Variants in FAT3 observed in about 807,000 individuals in gnomAD.
FAT3 encodes the protein FAT atypical cadherin 3, also known as protocadherin Fat 3.
A neutral mutation model predicts 310.2 loss-of-function variants in FAT3; 95 were observed. The ratio of observed to expected loss-of-function variants is 0.31; its 90% CI spans 0.26 to 0.36. The LOEUF is 0.36. Ranked by LOEUF, FAT3 falls within the 10% of genes least tolerant of loss-of-function variation. The pLI, the probability that FAT3 is intolerant of heterozygous loss-of-function variation, is 1.00. For missense variants in FAT3, 5,408 were observed against 5,715.6 expected, an observed-to-expected ratio of 0.95 and a Z score of 1.74; for synonymous variants, 2,314 against 2,192.9, an observed-to-expected ratio of 1.06 and a Z score of -1.54.
At chr11:92,446,596 G>A (rs1011175657) in intron 2 of FAT3, among the ~76,000 whole-genome samples, 6 of 151,438 alleles carry the variant, frequency 4.0e-5, no homozygotes, top group Non-Finnish European at 8.8e-5. Context: ...CATTTTTCAA[G>A]GTGATTGATT....
At chr11:92,501,459 C>T (rs1219853218) in intron 2 of FAT3, among the ~76,000 whole-genome samples, 2 of 152,008 alleles carry the variant, frequency 1.3e-5, no homozygotes, top group Non-Finnish European at 2.9e-5. Flanking sequence ...TAGCAAAGCC[C>T]TAATAGGCTG....
intron 2 of FAT3, among the ~76,000 whole-genome samples, chr11:92,497,991 C>T (rs1952817157): frequency 6.6e-6 from 1 of 151,934 alleles, no homozygotes; most frequent in African/African-American, 2.4e-5. Flanking sequence ...CATGCTGAGG[C>T]CTGGGGGTAG....
intron 2 of FAT3, among the ~76,000 whole-genome samples, chr11:92,444,615 G>C (rs780180038): frequency 2.1e-5 from 3 of 141,180 alleles, no homozygotes; most frequent in Non-Finnish European, 4.6e-5. Flanking sequence ...TATCCACCAA[G>C]CTCCCAAGAA....
chr11:92,494,258 GATT>G (rs1952690577), intron 2 of FAT3, among the ~76,000 whole-genome samples: 1 of 151,908 alleles, frequency 6.6e-6, no homozygotes, highest in South Asian at 2.1e-4. Flanking sequence ...AACATGTGGG[GATT>G]ATAATTCCAG....
At chr11:92,284,275 G>A (rs1376123527) in intron 1 of FAT3, among the ~76,000 whole-genome samples, 8 of 151,956 alleles carry the variant, frequency 5.3e-5, no homozygotes, top group Admixed American at 2.6e-4. Flanking sequence ...AAAGGGTAAC[G>A]CCTCCGAGAA....
At chr11:92,743,269 C>T (rs574936575) in intron 4 of FAT3, among the ~76,000 whole-genome samples, 11 of 152,280 alleles carry the variant, frequency 7.2e-5, no homozygotes, top group African/African-American at 2.2e-4. Flanking sequence ...TGGTGTTCTC[C>T]ATGACACCAT....
chr11:92,620,341 G>T (rs542013940), intron 3 of FAT3, among the ~76,000 whole-genome samples: 91 of 152,266 alleles, frequency 6.0e-4, no homozygotes, highest in African/African-American at 2.1e-3. Context: ...ACTGAATATA[G>T]TGTTATGTAT....
chr11:92,847,359 T>C (rs1252768296), intron 19 of FAT3, among the ~76,000 whole-genome samples: 1 of 152,230 alleles, frequency 6.6e-6, no homozygotes, highest in African/African-American at 2.4e-5. Context: ...CCATAGGCTG[T>C]ACCATATAGC....
intron 1 of FAT3, among the ~76,000 whole-genome samples, chr11:92,345,781 G>T (rs1948399117): frequency 6.6e-6 from 1 of 152,124 alleles, no homozygotes; most frequent in African/African-American, 2.4e-5. Context: ...GGAGATCTCA[G>T]GTCTAGTTTT....
At chr11:92,573,752 T>G in intron 3 of FAT3, among the ~76,000 whole-genome samples, 1 of 151,188 alleles carries the variant, frequency 6.6e-6, no homozygotes, top group Non-Finnish European at 1.5e-5. Flanking sequence ...TAGGAGAGAG[T>G]CATGGGACAG....
intron 2 of FAT3, among the ~76,000 whole-genome samples, chr11:92,432,476 C>T (rs547331652): frequency 6.6e-6 from 1 of 152,106 alleles, no homozygotes; most frequent in African/African-American, 2.4e-5. Flanking sequence ...GATGTTCATG[C>T]TATAGCTTTC....
chr11:92,853,320 C>T (rs1438694452), intron 19 of FAT3, among the ~76,000 whole-genome samples: 1 of 152,240 alleles, frequency 6.6e-6, no homozygotes, highest in African/African-American at 2.4e-5. Context: ...GCTTCTGCTG[C>T]AGGCACTTGC....
chr11:92,799,927 C>G lies in FAT3; in HGVS notation c.6914C>G (p.Pro2305Arg), dbSNP rs1770531059. The G allele has an allele frequency of 6.2e-7, 1 of 1,612,520 alleles. No homozygotes were observed. Among genetic ancestry groups the G allele is most frequent in the Admixed American group, 1.7e-5 (1 of 59,786 alleles). ...TLSEASLIGTPVLQVVSIDAD... is the reference protein window; with the variant it reads ...TLSEASLIGTRVLQVVSIDAD... ...TCAGAAGCATCTCTTATTGGGACAC[C>G]TGTTTTACAAGTTGTCTCTATTGAT... is the stretch of plus-strand genomic sequence containing the variant. Residue 2305 changes from proline (P) to arginine (R), a missense_variant, in exon 10 of 28, where the codon CCT becomes CGT. Physicochemically the swap from Pro to Arg is moderately radical, Grantham distance 103. Transcript: ENST00000525166.
At chr11:92,250,518 A>G (rs1368693366) in intron 1 of FAT3, among the ~76,000 whole-genome samples, 1 of 152,160 alleles carries the variant, frequency 6.6e-6, no homozygotes, top group Non-Finnish European at 1.5e-5. Flanking sequence ...ACAAAAAATT[A>G]TATTCCAAGC....
intron 3 of FAT3, among the ~76,000 whole-genome samples, chr11:92,593,462 G>A (rs1216821386): frequency 6.7e-6 from 1 of 150,266 alleles, no homozygotes; most frequent in African/African-American, 2.5e-5. Context: ...TTTAATATTA[G>A]CCATCCTAAT....
intron 3 of FAT3, among the ~76,000 whole-genome samples, chr11:92,688,010 A>T (rs552588986): frequency 6.6e-6 from 1 of 151,600 alleles, no homozygotes; most frequent in East Asian, 2.0e-4. Context: ...GAGACCAGGA[A>T]TTAGAGACCA....
intron 3 of FAT3, among the ~76,000 whole-genome samples, chr11:92,634,306 T>C (rs546105951): frequency 6.6e-6 from 1 of 152,344 alleles, no homozygotes; most frequent in South Asian, 2.1e-4. Context: ...TTTTGTTTTC[T>C]ATTTCCCTAT....
intron 2 of FAT3, among the ~76,000 whole-genome samples, chr11:92,364,374 A>G (rs1303516486): frequency 6.6e-6 from 1 of 152,174 alleles, no homozygotes; most frequent in African/African-American, 2.4e-5. Context: ...ATTGCTTCAT[A>G]TATTTGTGAC....
rs1430226980 is a variant in FAT3 at position 92,871,806 on chromosome 11, C to A, written c.12127+4597C>A. ...TTCAAGCATCTCTATTTTTAACAAG[C>A]CTCCAAGGAGTTTCTATGCACACCC... is the stretch of plus-strand genomic sequence containing the variant. On this transcript the variant is annotated intron_variant, in intron 22 of 27. Coordinates refer to ENST00000525166, the MANE Select transcript of FAT3 (RefSeq NM_001367949.2). Among the ~76,000 whole-genome samples the A allele has an allele frequency of 2.0e-5, 3 of 152,044 alleles. No individual in the cohort carries two copies. In the East Asian group the frequency reaches 5.8e-4, roughly 29 times the overall value.
Sources: gnomAD v4.1 joint callset for allele counts (sites outside exome capture counted in the v4.1 genomes callset) on GRCh38, gnomAD v4.1.1 for gene constraint, MANE v1.5 for transcripts, NCBI Gene and HGNC (gene_info 2026-07-23, HGNC 2026-07-21) for gene names.